Variants in SLC39A12 observed in about 807,000 individuals in gnomAD.
SLC39A12 encodes the protein zinc transporter ZIP12.
SLC39A12 carries 63 observed loss-of-function variants against 71.1 expected under a neutral mutation model. The observed-to-expected ratio is 0.89, with a 90% CI of 0.72 to 1.09. The LOEUF (loss-of-function observed/expected upper bound fraction) is 1.09, where lower values mean the gene tolerates loss of function less well. Ranked by LOEUF, SLC39A12 falls within the 50% of genes least tolerant of loss-of-function variation. SLC39A12 has a pLI of 0.00. For missense variants in SLC39A12, 892 were observed against 812.6 expected, an observed-to-expected ratio of 1.10 and a Z score of -1.19; for synonymous variants, 351 against 301.3, an observed-to-expected ratio of 1.16 and a Z score of -1.71.
intron 12 of SLC39A12, chr10:18,008,454 T>A (rs1274767011): frequency 6.6e-6 from 1 of 152,218 alleles, no homozygotes; most frequent in Non-Finnish European, 1.5e-5. Flanking sequence ...GTGAGTTGCA[T>A]AATTATTTCA....
chr10:17,999,879 T>A (rs1835784547), intron 10 of SLC39A12, among the ~76,000 whole-genome samples: 1 of 152,098 alleles, frequency 6.6e-6, no homozygotes, highest in African/African-American at 2.4e-5. Flanking sequence ...ACCAAAACAA[T>A]CACACAGTGA....
intron 12 of SLC39A12, chr10:18,010,481 A>T (rs1836181005): frequency 6.6e-6 from 1 of 152,238 alleles, no homozygotes; most frequent in Non-Finnish European, 1.5e-5. Flanking sequence ...GTAATTTAAC[A>T]TTCACAATTA....
At chr10:18,014,577 T>A (rs1271875309) in intron 12 of SLC39A12, among the ~76,000 whole-genome samples, 1 of 152,198 alleles carries the variant, frequency 6.6e-6, no homozygotes, top group Non-Finnish European at 1.5e-5. Context: ...GCTCATTCAG[T>A]GTCTGTTTTT....
chr10:18,021,823 A>C (rs763567871), intron 12 of SLC39A12, among the ~76,000 whole-genome samples: 1 of 152,182 alleles, frequency 6.6e-6, no homozygotes, highest in Non-Finnish European at 1.5e-5. Context: ...GTGGTTACAA[A>C]TTCCATTAGC....
At chr10:17,963,116 G>C (rs1391996263) in intron 3 of SLC39A12, among the ~76,000 whole-genome samples, 1 of 151,924 alleles carries the variant, frequency 6.6e-6, no homozygotes, top group Admixed American at 6.6e-5. Context: ...AACTATGACT[G>C]TGTCACTATA....
intron 8 of SLC39A12, among the ~76,000 whole-genome samples, chr10:17,991,603 G>A (rs529839796): frequency 1.3e-5 from 2 of 152,220 alleles, no homozygotes; most frequent in South Asian, 4.1e-4. Flanking sequence ...ACTAATCAGC[G>A]TTTTGGATAT....
intron 12 of SLC39A12, among the ~76,000 whole-genome samples, chr10:18,036,784 A>ATTTTTTTTTTT (rs1277319900): frequency 1.3e-4 from 1 of 7,680 alleles, no homozygotes; most frequent in African/African-American, 5.3e-4. Flanking sequence ...ATATATATAT[A>ATTTTTTTTTTT]TATATATATA....
chr10:18,027,907 G>A (rs1836723610), intron 12 of SLC39A12, among the ~76,000 whole-genome samples: 1 of 152,224 alleles, frequency 6.6e-6, no homozygotes, highest in Non-Finnish European at 1.5e-5. Context: ...ATGGGCTGGA[G>A]TTAGAGACTC....
intron 12 of SLC39A12, among the ~76,000 whole-genome samples, chr10:18,014,094 T>G (rs1336368215): frequency 2.0e-4 from 31 of 152,174 alleles, no homozygotes; most frequent in Non-Finnish European, 1.6e-4. Flanking sequence ...TCCATGAACG[T>G]GAGATGTCTT....
intron 12 of SLC39A12, among the ~76,000 whole-genome samples, chr10:18,029,024 CTT>C (rs75808185): frequency 6.9e-6 from 1 of 143,974 alleles, no homozygotes; most frequent in Non-Finnish European, 1.5e-5. Flanking sequence ...CCCACCAAAA[CTT>C]TTTTTTTTTT....
At chr10:18,030,967 G>A (rs1222003447) in intron 12 of SLC39A12, among the ~76,000 whole-genome samples, 1 of 151,934 alleles carries the variant, frequency 6.6e-6, no homozygotes, top group East Asian at 1.9e-4. Context: ...TCCCTACAAA[G>A]GACATGAACT....
At position 17,987,537 on chromosome 10, in the gene SLC39A12, A is replaced by G; in HGVS notation, c.1155A>G (p.Thr385=). Residue 385 remains threonine, a synonymous_variant, in exon 7 of 13, where the codon ACA becomes ACG. Coordinates refer to ENST00000377369, the MANE Select transcript of SLC39A12 (RefSeq NM_001145195.2). ...TCACACTGGGCTCCATGCTGGGGAC[A>G]GCGCTGGTCCTTTTCCATAGCTGTG... ...TLLTLGSMLG[T]ALVLFHSCEE... 6.2e-7 allele frequency: 1 copy of G among 1,614,082 alleles called. No homozygotes were observed. The highest frequency in any genetic ancestry group is 8.5e-7 in the Non-Finnish European group (1 of 1,180,006).
intron 4 of SLC39A12, among the ~76,000 whole-genome samples, chr10:17,966,632 C>T (rs1834831331): frequency 6.6e-6 from 1 of 151,770 alleles, no homozygotes; most frequent in African/African-American, 2.4e-5. Flanking sequence ...TTTTAAAGCA[C>T]CTCATTATCA....
chr10:17,954,681 C>T (rs1231800877), intron 2 of SLC39A12, among the ~76,000 whole-genome samples: 4 of 152,086 alleles, frequency 2.6e-5, no homozygotes, highest in African/African-American at 9.7e-5. Context: ...AAACCTACTC[C>T]ACCATCCCAT....
At chr10:17,965,766 T>G in intron 4 of SLC39A12, 76 bp downstream of exon 4, 1 of 1,173,362 alleles carries the variant, frequency 8.5e-7, no homozygotes, top group South Asian at 1.4e-5. Context: ...AGGCCAAAGC[T>G]CTTGATGACT....
At chr10:17,992,612 A>T (rs539575435) in intron 8 of SLC39A12, among the ~76,000 whole-genome samples, 8 of 152,350 alleles carry the variant, frequency 5.3e-5, no homozygotes, top group African/African-American at 1.9e-4. Context: ...GGGTTGGGAA[A>T]ACTAAATTAG....
intron 9 of SLC39A12, among the ~76,000 whole-genome samples, chr10:17,994,541 A>C (rs1376247284): frequency 6.6e-6 from 1 of 152,206 alleles, no homozygotes; most frequent in African/African-American, 2.4e-5. Flanking sequence ...TTCTAGAATA[A>C]ATATCTGAAT....
intron 12 of SLC39A12, among the ~76,000 whole-genome samples, chr10:18,039,447 G>C (rs935217957): frequency 6.6e-6 from 1 of 152,170 alleles, no homozygotes; most frequent in Non-Finnish European, 1.5e-5. Context: ...AGTGATTGGG[G>C]CTGAGTATGG....
At chr10:17,968,464 T>C (rs772772920) in intron 4 of SLC39A12, among the ~76,000 whole-genome samples, 14 of 152,192 alleles carry the variant, frequency 9.2e-5, no homozygotes, top group African/African-American at 2.9e-4. Flanking sequence ...ATGGGAACTT[T>C]ACCCAAGTGG....
Sources: allele counts gnomAD v4.1 joint callset (sites outside exome capture counted in the v4.1 genomes callset), GRCh38; gene constraint gnomAD v4.1.1; transcripts MANE v1.5; gene names NCBI Gene and HGNC (gene_info 2026-07-23, HGNC 2026-07-21).